Variants in YEATS2 observed in about 807,000 individuals in gnomAD.
YEATS2 encodes the protein YEATS domain containing 2.
Under a neutral mutation model 163.2 loss-of-function variants are expected in YEATS2, and 77 were observed. That is an observed-to-expected ratio of 0.47 (90% CI 0.39 to 0.57). YEATS2 has a LOEUF of 0.57. Among genes scored for constraint, YEATS2 ranks in the 20% least tolerant of loss-of-function variants. The probability of loss-of-function intolerance (pLI) is 0.00; values close to 1 mark genes in which losing one functional copy is unlikely to be tolerated. For synonymous variants in YEATS2, 631 were observed against 645.1 expected, an observed-to-expected ratio of 0.98 and a Z score of 0.33; for missense variants, 1,549 against 1,729.8, an observed-to-expected ratio of 0.90 and a Z score of 1.85.
chr3:183,792,007 T>C (rs535327013), intron 21 of YEATS2, among the ~76,000 whole-genome samples: 2 of 152,342 alleles, frequency 1.3e-5, no homozygotes, highest in African/African-American at 4.8e-5. Context: ...TACTGTCTGG[T>C]GTGTAGTGGC....
At chr3:183,709,532 AC>A (rs112729913) in intron 1 of YEATS2, among the ~76,000 whole-genome samples, 6 of 152,016 alleles carry the variant, frequency 3.9e-5, no homozygotes, top group African/African-American at 1.4e-4. Context: ...ATGGGGTTTC[AC>A]CATGTTGGCC....
chr3:183,760,174 T>G (rs1721192428), intron 13 of YEATS2, among the ~76,000 whole-genome samples: 1 of 152,226 alleles, frequency 6.6e-6, no homozygotes, highest in Admixed American at 6.5e-5. Flanking sequence ...TTGAAAGTCT[T>G]AACTCTGCTG....
intron 12 of YEATS2, among the ~76,000 whole-genome samples, chr3:183,758,120 G>A: frequency 6.6e-6 from 1 of 152,260 alleles, no homozygotes; most frequent in East Asian, 1.9e-4. Context: ...CACTTTGGGA[G>A]GCCAAGGTGG....
At chr3:183,732,676 C>T (rs1717922764) in intron 7 of YEATS2, among the ~76,000 whole-genome samples, 3 of 151,766 alleles carry the variant, frequency 2.0e-5, no homozygotes, top group Admixed American at 2.0e-4. Context: ...TCTCCTGCCT[C>T]AGCCTCCTGA....
chr3:183,768,383 T>C (rs144315027), intron 15 of YEATS2, among the ~76,000 whole-genome samples: 1,674 of 152,250 alleles, frequency 0.011, 33 homozygotes, highest in African/African-American at 0.038. Flanking sequence ...CGCCTAGGTC[T>C]GGGAGGGCTG....
intron 19 of YEATS2, among the ~76,000 whole-genome samples, chr3:183,782,040 G>A (rs1462456205): frequency 6.6e-6 from 1 of 151,992 alleles, no homozygotes; most frequent in Non-Finnish European, 1.5e-5. Context: ...GTTATTCAAC[G>A]TAATGTTTCC....
At chr3:183,716,084 C>A (rs1055538024) in intron 2 of YEATS2, among the ~76,000 whole-genome samples, 1 of 152,046 alleles carries the variant, frequency 6.6e-6, no homozygotes, top group Non-Finnish European at 1.5e-5. Context: ...GTCAGCCTCC[C>A]GAGTAGCTGG....
intron 22 of YEATS2, 31 bp from the exon 23 acceptor site, chr3:183,798,860 G>A (rs747201896): frequency 6.5e-7 from 1 of 1,531,162 alleles, no homozygotes; most frequent in Admixed American, 1.7e-5. Flanking sequence ...TTTTGTATTT[G>A]TTATATCCCT....
At chr3:183,722,276 A>ATTTTTTTTTTTTT (rs1305253544) in intron 5 of YEATS2, 140 bp downstream of exon 5, 1 of 583,038 alleles carries the variant, frequency 1.7e-6, no homozygotes, top group African/African-American at 3.6e-5. Context: ...GGGAAACCAA[A>ATTTTTTTTTTTTT]TCTTTTTTTT....
At chr3:183,796,853 T>C (rs1277252022) in intron 21 of YEATS2, among the ~76,000 whole-genome samples, 1 of 152,160 alleles carries the variant, frequency 6.6e-6, no homozygotes, top group Admixed American at 6.6e-5. Flanking sequence ...TTAGTATTGA[T>C]TTTCTCTGCG....
chr3:183,705,862 A>G (rs1714563954), intron 1 of YEATS2, among the ~76,000 whole-genome samples: 1 of 151,920 alleles, frequency 6.6e-6, no homozygotes, highest in Admixed American at 6.6e-5. Context: ...ACATGGTGGA[A>G]CTCCATCTTT....
chr3:183,808,102 A>G lies in YEATS2; in HGVS notation c.4084A>G (p.Lys1362Glu). 6.4e-7 allele frequency: 1 copy of G among 1,552,752 alleles called. No individual in the cohort carries two copies. The highest frequency in any genetic ancestry group is 8.7e-7 in the Non-Finnish European group (1 of 1,147,216). The change falls in exon 29 of 31, where the codon AAG (lysine) becomes GAG (glutamate). Residue 1362 changes from lysine to glutamate, a missense_variant and splice_region_variant. By Grantham distance (56) the Lys-to-Glu change is moderately conservative (BLOSUM62 1). Transcript: ENST00000305135. ...GTCCGTGGTGGAGGACATGATCCTG[A>G]AGGTGGGTGCCTGCAGGGGCCGCCA... is the stretch of plus-strand genomic sequence containing the variant. The part of the protein sequence containing the change: ...YASVVEDMIL[K>E]ATEQLVNDIL...
chr3:183,788,094 G>A (rs945447458), intron 20 of YEATS2, among the ~76,000 whole-genome samples: 6 of 152,086 alleles, frequency 3.9e-5, no homozygotes, highest in Admixed American at 6.6e-5. Flanking sequence ...CATACAATGC[G>A]TAATAATCGC....
chr3:183,795,914 T>C (rs1434554846), intron 21 of YEATS2, among the ~76,000 whole-genome samples: 2 of 151,972 alleles, frequency 1.3e-5, no homozygotes, highest in Non-Finnish European at 2.9e-5. Flanking sequence ...TTTAAGATTA[T>C]TCCTTTCCTT....
chr3:183,744,306 G>A (rs1472804605), intron 8 of YEATS2, among the ~76,000 whole-genome samples: 6 of 151,350 alleles, frequency 4.0e-5, no homozygotes, highest in Non-Finnish European at 8.8e-5. Flanking sequence ...TAGTAGAGAC[G>A]GGGTTTCATC....
chr3:183,718,408 TCACTCATTCACG>T, intron 3 of YEATS2, 80 bp from the exon 4 acceptor site: 2 of 905,978 alleles, frequency 2.2e-6, no homozygotes, highest in Non-Finnish European at 3.2e-6. Context: ...CTTTTTTTTT[TCACTCATTCACG>T]TTTCTTATTT....
chr3:183,716,874 C>T (rs376645088), intron 2 of YEATS2, among the ~76,000 whole-genome samples: 3 of 151,652 alleles, frequency 2.0e-5, no homozygotes, highest in South Asian at 4.2e-4. Flanking sequence ...TGGTGGGATG[C>T]TTCTCTTTGC....
At chr3:183,753,574 C>A (rs906010262) in intron 10 of YEATS2, among the ~76,000 whole-genome samples, 4 of 152,082 alleles carry the variant, frequency 2.6e-5, no homozygotes, top group Non-Finnish European at 4.4e-5. Flanking sequence ...ATGGCAAAAC[C>A]CCGTCTCTAC....
At chr3:183,803,622 T>C (rs1008805220) in intron 26 of YEATS2, 5 of 501,666 alleles carry the variant, frequency 1.0e-5, no homozygotes, top group Non-Finnish European at 1.8e-5. Context: ...CTGTGGTGAG[T>C]TTAGGGAAAG....
Sources: allele counts gnomAD v4.1 joint callset (sites outside exome capture counted in the v4.1 genomes callset), GRCh38; gene constraint gnomAD v4.1.1; transcripts MANE v1.5; gene names NCBI Gene and HGNC (gene_info 2026-07-23, HGNC 2026-07-21).